The following ARHGAP20 variants were observed in gnomAD, a reference collection of about 807,000 sequenced individuals.
The protein encoded by ARHGAP20 is rho GTPase-activating protein 20.
A neutral mutation model predicts 73.7 loss-of-function variants in ARHGAP20; 34 were observed. The observed-to-expected ratio is 0.46, with a 90% CI of 0.35 to 0.61. The LOEUF is 0.61. ARHGAP20 is among the 20% of genes least tolerant of loss of function. The pLI is 0.00. For synonymous variants in ARHGAP20, 523 were observed against 518.2 expected (o/e 1.01, Z -0.13); for missense variants, 1,314 against 1,420.9 (o/e 0.92, Z 1.21).
intron 2 of ARHGAP20, among the ~76,000 whole-genome samples, chr11:110,682,806 T>C (rs1474541711): frequency 6.6e-6 from 1 of 152,142 alleles, no homozygotes; most frequent in Non-Finnish European, 1.5e-5. Flanking sequence ...TCATTTTGTG[T>C]TCTATGATGT....
intron 3 of ARHGAP20, among the ~76,000 whole-genome samples, chr11:110,624,592 T>C (rs1265974760): frequency 2.7e-5 from 4 of 150,842 alleles, no homozygotes; most frequent in Non-Finnish European, 5.9e-5. Flanking sequence ...CGTAACCCTA[T>C]GCAACAAACC....
chr11:110,675,136 C>T (rs1177980646), intron 2 of ARHGAP20, among the ~76,000 whole-genome samples: 1 of 152,168 alleles, frequency 6.6e-6, no homozygotes, highest in Non-Finnish European at 1.5e-5. Context: ...GTTCAACTGT[C>T]TTCTAAATGG....
rs1278517600 is a variant in ARHGAP20, at chr11:110,579,667, C to T, written c.3279G>A (p.Leu1093=). 8.7e-6 allele frequency: 14 copies of T among 1,614,080 alleles called. No homozygotes were observed. Among genetic ancestry groups the T allele is most frequent in the Admixed American group, 1.7e-5 (1 of 60,012 alleles). The change falls in exon 15 of 15, where the codon TTG becomes TTA. Residue 1093 remains leucine (L), a synonymous_variant. Coordinates refer to ENST00000683387, the MANE Select transcript of ARHGAP20 (RefSeq NM_001384657.1). ...ANSLQEEQKD[L]PLRAAEGLSP... ...ACAGTCCTTCAGCTGCCCTTAAGGG[C>T]AAGTCTTTTTGTTCCTCTTGCAGTG...
At chr11:110,591,502 A>G (rs533523968) in intron 10 of ARHGAP20, among the ~76,000 whole-genome samples, 37 of 152,358 alleles carry the variant, frequency 2.4e-4, no homozygotes, top group Non-Finnish European at 5.0e-4. Context: ...TCAACTGGAG[A>G]TAATATAAAC....
At chr11:110,698,867 T>G (rs1950389249) in intron 1 of ARHGAP20, among the ~76,000 whole-genome samples, 1 of 151,872 alleles carries the variant, frequency 6.6e-6, no homozygotes, top group Admixed American at 6.6e-5. Flanking sequence ...AATAACCAAC[T>G]TTTTGTTTCA....
chr11:110,577,237 A>G lies in ARHGAP20; in HGVS notation c.*2133T>C, dbSNP rs1947307282. Reference sequence around the variant, plus strand: ...ATATTATACAAACTCAAAGCATTTTAGATAAAGCATCAGTCTAATATATTA... The same window carrying G: ...ATATTATACAAACTCAAAGCATTTTGGATAAAGCATCAGTCTAATATATTA... On this transcript the variant is annotated 3_prime_UTR_variant, in exon 15 of 15. Coordinates refer to ENST00000683387, the MANE Select transcript of ARHGAP20 (RefSeq NM_001384657.1). The G allele has an allele frequency of 1.3e-6, 2 of 1,492,098 alleles. No individual in the cohort carries two copies. The allele number at this position is 1,492,098 out of a possible 1,614,324, so 92.4% of individuals were successfully genotyped here.
rs1346862121 is a variant in ARHGAP20, at chr11:110,579,539, C to A, written c.3407G>T (p.Cys1136Phe). ...CTCTATTTCCTCATGTGACTTCATG[C>A]ACAGCTTAAGTCTGCTCTCCACCAG... Reference protein sequence around the residue: ...FSLVESRLKLCMKSHEEIEPG... With the variant: ...FSLVESRLKLFMKSHEEIEPG... The change falls in exon 15 of 15, where the codon TGC becomes TTC. Residue 1136 changes from cysteine (C) to phenylalanine (F), a missense_variant. By Grantham distance (205) the Cys-to-Phe change is radical. Transcript: ENST00000683387. The A allele has an allele frequency of 1.9e-6, 3 of 1,614,158 alleles. No individual in the cohort carries two copies. The highest frequency in any genetic ancestry group is 2.5e-6 in the Non-Finnish European group (3 of 1,180,008).
Position 110,657,819 on chromosome 11 carries a change from C to T in ARHGAP20, c.189-27027G>A, listed in dbSNP as rs147968560. ...CTAAGGCAGGAGAATTGCTTGAACC[C>T]AGGAAGCGGAGGTTGCAGTGAGCCA... On this transcript the variant is annotated intron_variant, in intron 2 of 14. Coordinates refer to ENST00000683387, the MANE Select transcript of ARHGAP20 (RefSeq NM_001384657.1). Among the ~76,000 whole-genome samples the T allele has an allele frequency of 7.2e-3, 1,096 of 151,862 alleles. 4 individuals carry two copies. The highest frequency in any genetic ancestry group is 0.021 in the South Asian group (102 of 4,806).
chr11:110,584,857 G>T (rs994700399), intron 12 of ARHGAP20, among the ~76,000 whole-genome samples: 2 of 147,458 alleles, frequency 1.4e-5, no homozygotes, highest in Non-Finnish European at 3.0e-5. Flanking sequence ...ATATATATAT[G>T]TGAATATATA....
chr11:110,609,960 A>G (rs1948327622), intron 7 of ARHGAP20, among the ~76,000 whole-genome samples: 1 of 152,142 alleles, frequency 6.6e-6, no homozygotes, highest in South Asian at 2.1e-4. Context: ...AAAACACTGT[A>G]ATAATAATCC....
intron 2 of ARHGAP20, among the ~76,000 whole-genome samples, chr11:110,652,831 T>G (rs1949385366): frequency 6.6e-6 from 1 of 151,908 alleles, no homozygotes. Flanking sequence ...ACTAAAAGAC[T>G]ATAGTAACCA....
In ARHGAP20 at chr11:110,581,230, C is replaced by A. The variant is rs1565418853; in HGVS notation, c.1721-5G>T. ...TCAGTTGAAAGCAAGAAATATCTGT[C>A]AAAAAAATTAAACCATGATTAACAT... On this transcript the variant is annotated splice_polypyrimidine_tract_variant and splice_region_variant and intron_variant, in intron 14 of 14. Coordinates refer to ENST00000683387, the MANE Select transcript of ARHGAP20 (RefSeq NM_001384657.1). The A allele has an allele frequency of 2.5e-6, 4 of 1,592,856 alleles. No individual in the cohort carries two copies. The South Asian group carries it at 4.5e-5, about 18-fold the overall frequency.
chr11:110,614,518 T>A, intron 6 of ARHGAP20, 43 bp downstream of exon 6: 1 of 1,536,826 alleles, frequency 6.5e-7, no homozygotes, highest in Non-Finnish European at 9.0e-7. Flanking sequence ...TTCTGTCTTA[T>A]GCAGGGACTT....
At chr11:110,708,549 G>C (rs1222058433) in intron 1 of ARHGAP20, among the ~76,000 whole-genome samples, 1 of 152,168 alleles carries the variant, frequency 6.6e-6, no homozygotes, top group Non-Finnish European at 1.5e-5. Context: ...ATGCTGCTCA[G>C]CAATGAAATG....
intron 2 of ARHGAP20, among the ~76,000 whole-genome samples, chr11:110,686,679 T>G (rs1950138457): frequency 1.3e-5 from 2 of 152,086 alleles, no homozygotes; most frequent in Non-Finnish European, 2.9e-5. Context: ...CTTAAAAATC[T>G]ATAAAGATGA....
At chr11:110,662,165 C>T (rs909505932) in intron 2 of ARHGAP20, among the ~76,000 whole-genome samples, 1 of 151,230 alleles carries the variant, frequency 6.6e-6, no homozygotes, top group Non-Finnish European at 1.5e-5. Context: ...TTCATAGTTG[C>T]TTATATCAAA....
chr11:110,585,633 T>C (rs1383633445), intron 12 of ARHGAP20, among the ~76,000 whole-genome samples: 2 of 152,146 alleles, frequency 1.3e-5, no homozygotes, highest in Non-Finnish European at 2.9e-5. Flanking sequence ...AGGAATGGGG[T>C]AGTGAGTTCT....
intron 2 of ARHGAP20, among the ~76,000 whole-genome samples, chr11:110,661,829 A>G (rs1197056328): frequency 1.3e-5 from 2 of 152,080 alleles, no homozygotes. Flanking sequence ...TATGAGGGAA[A>G]AGTGGTAATA....
chr11:110,696,177 G>A (rs1950332035), intron 1 of ARHGAP20, among the ~76,000 whole-genome samples: 1 of 151,640 alleles, frequency 6.6e-6, no homozygotes, highest in Non-Finnish European at 1.5e-5. Context: ...GCAGAATTGG[G>A]AGATGATAGC....
Sources: allele counts gnomAD v4.1 joint callset (sites outside exome capture counted in the v4.1 genomes callset), GRCh38; gene constraint gnomAD v4.1.1; transcripts MANE v1.5; gene names NCBI Gene and HGNC (gene_info 2026-07-23, HGNC 2026-07-21).